ZFP30: variants seen among roughly 807,000 people sequenced by gnomAD.
ZFP30 encodes the protein zinc finger protein 30 homolog.
Under a neutral mutation model 12.3 loss-of-function variants are expected in ZFP30, and 16 were observed. The observed-to-expected ratio is 1.30, with a 90% CI of 0.88 to 1.98. The LOEUF is 1.98. Among genes scored for constraint, ZFP30 ranks in the 30% most tolerant of loss-of-function variants. The pLI is 0.00. For synonymous variants in ZFP30, 172 were observed against 201.0 expected (o/e 0.86, Z 1.22); for missense variants, 560 against 611.2 (o/e 0.92, Z 0.88).
chr19:37,640,252 TTTA>T (rs1403181897), intron 5 of ZFP30, among the ~76,000 whole-genome samples: 5 of 152,094 alleles, frequency 3.3e-5, no homozygotes, highest in African/African-American at 1.2e-4. Context: ...TCATAAGTAC[TTTA>T]ATCAAGACAG....
At chr19:37,653,190 G>A (rs187126965) in intron 2 of ZFP30, among the ~76,000 whole-genome samples, 1 of 151,714 alleles carries the variant, frequency 6.6e-6, no homozygotes, top group Admixed American at 6.6e-5. Flanking sequence ...GTGACAACAG[G>A]GAAATCAGTG....
chr19:37,643,047 C>T (rs867620312), intron 5 of ZFP30, among the ~76,000 whole-genome samples: 26 of 126,306 alleles, frequency 2.1e-4, no homozygotes, highest in South Asian at 1.3e-3. Flanking sequence ...AGCGAGACTC[C>T]GTCTCAAAAA....
In ZFP30 at chr19:37,647,862, T is replaced by C; in HGVS notation, c.-40A>G. Reference sequence around the variant, plus strand: ...TAGAACTGGTCAATTTTCCTCAAGGTTCATGTACTTCAGAAGCAGGGTCCA... The same window carrying C: ...TAGAACTGGTCAATTTTCCTCAAGGCTCATGTACTTCAGAAGCAGGGTCCA... On this transcript the variant is annotated 5_prime_UTR_variant, in exon 3 of 6. Coordinates refer to ENST00000684514, the MANE Select transcript of ZFP30 (RefSeq NM_001320669.3). The C allele has an allele frequency of 4.3e-6, 7 of 1,613,192 alleles. 1 individual carries two copies. The highest frequency in any genetic ancestry group is 5.1e-6 in the Non-Finnish European group (6 of 1,179,160).
At chr19:37,643,138 A>T (rs901359065) in intron 5 of ZFP30, 127 bp downstream of exon 5, 1 of 642,752 alleles carries the variant, frequency 1.6e-6, no homozygotes, top group African/African-American at 1.9e-5. Flanking sequence ...CATGCTGAGA[A>T]GATCTAAATT....
At chr19:37,636,386 A>T in intron 5 of ZFP30, 81 bp from the exon 6 acceptor site, 1 of 1,200,064 alleles carries the variant, frequency 8.3e-7, no homozygotes, top group Non-Finnish European at 1.1e-6. Context: ...GAAATCGGTG[A>T]CCAAAAAAAA....
At chr19:37,646,108 C>T (rs1193411853) in intron 3 of ZFP30, among the ~76,000 whole-genome samples, 1 of 152,140 alleles carries the variant, frequency 6.6e-6, no homozygotes, top group African/African-American at 2.4e-5. Context: ...AACCACTCCG[C>T]CCCACCTGGG....
At position 37,636,085 on chromosome 19, in the gene ZFP30, A is replaced by G; in HGVS notation, c.456T>C (p.His152=). ...LTSLPLYQKS[H]NREKPYECGE... ...CACATTCGTAGGGTTTCTCTCTGTT[A>G]TGACTTTTCTGATACAGAGGAAGAG... The change falls in exon 6 of 6, where the codon CAT becomes CAC. Residue 152 remains histidine, a synonymous_variant. Transcript: ENST00000684514. 6.2e-7 allele frequency: 1 copy of G among 1,614,186 alleles called. No homozygotes were observed. Among genetic ancestry groups the G allele is most frequent in the Non-Finnish European group, 8.5e-7 (1 of 1,180,032 alleles).
chr19:37,637,273 C>A (rs933685367), intron 5 of ZFP30, among the ~76,000 whole-genome samples: 4 of 148,782 alleles, frequency 2.7e-5, no homozygotes, highest in Admixed American at 6.7e-5. Context: ...GGCGCAATCT[C>A]GGCTTACTGC....
At position 37,635,333 on chromosome 19, in the gene ZFP30, A is replaced by T; in HGVS notation, c.1208T>A (p.Ile403Asn). The stretch of plus-strand genomic sequence containing the variant: ...TTCATAAGGTTTCTCTCCAATGTGA[A>T]TACCCTGATGTGAAATAAGTTCTGA... ...RYSELISHQG[I>N]HIGEKPYECK... is the part of the protein sequence containing the mutation. Residue 403 changes from isoleucine (I) to asparagine (N), a missense_variant, in exon 6 of 6, where the codon ATT becomes AAT. Physicochemically the swap from Ile to Asn is moderately radical, Grantham distance 149 (BLOSUM62 -3). Coordinates refer to ENST00000684514, the MANE Select transcript of ZFP30 (RefSeq NM_001320669.3). 1 of 1,614,004 alleles carries T rather than the reference A, an allele frequency of 6.2e-7. No individual in the cohort carries two copies. Among genetic ancestry groups the T allele is most frequent in the Non-Finnish European group, 8.5e-7 (1 of 1,179,952 alleles).
intron 2 of ZFP30, among the ~76,000 whole-genome samples, chr19:37,654,462 C>G (rs560395539): frequency 1.3e-5 from 2 of 152,264 alleles, no homozygotes; most frequent in South Asian, 4.1e-4. Context: ...TCATCAAGAT[C>G]CTTAGAAAAA....
intron 5 of ZFP30, among the ~76,000 whole-genome samples, chr19:37,640,907 C>G (rs913630828): frequency 6.6e-6 from 1 of 151,908 alleles, no homozygotes; most frequent in African/African-American, 2.4e-5. Context: ...CAAGACAATT[C>G]TAATTATATT....
At chr19:37,640,171 T>A (rs780358765) in intron 5 of ZFP30, among the ~76,000 whole-genome samples, 1 of 152,134 alleles carries the variant, frequency 6.6e-6, no homozygotes, top group African/African-American at 2.4e-5. Context: ...TGCCCTCAGA[T>A]TGCTTCACAA....
At chr19:37,655,786 C>G (rs1336975788), upstream of ZFP30, 1 of 151,966 alleles carries the variant, frequency 6.6e-6, no homozygotes, top group Non-Finnish European at 1.5e-5. Flanking sequence ...GCGGAGGCTG[C>G]GAGCCCCGCC....
At chr19:37,655,957 G>C (rs1015777821), upstream of ZFP30, 1 of 152,446 alleles carries the variant, frequency 6.6e-6, no homozygotes, top group African/African-American at 2.4e-5. Flanking sequence ...GTGGAGGTTG[G>C]CTACAGGATC....
At chr19:37,649,885 A>T (rs895601534) in intron 2 of ZFP30, among the ~76,000 whole-genome samples, 3 of 152,144 alleles carry the variant, frequency 2.0e-5, no homozygotes, top group Admixed American at 2.0e-4. Flanking sequence ...AATGAAGATA[A>T]AATTCATATT....
At chr19:37,648,476 AT>A (rs1215123174) in intron 2 of ZFP30, among the ~76,000 whole-genome samples, 4 of 150,066 alleles carry the variant, frequency 2.7e-5, no homozygotes, top group South Asian at 2.1e-4. Flanking sequence ...GGGATTTAGG[AT>A]TTTTTTTTTA....
At chr19:37,652,473 C>T (rs1323814665) in intron 2 of ZFP30, among the ~76,000 whole-genome samples, 1 of 152,026 alleles carries the variant, frequency 6.6e-6, no homozygotes, top group African/African-American at 2.4e-5. Context: ...GAGACTGAGG[C>T]AGGAGAATCA....
At chr19:37,644,144 T>A (rs968245110) in intron 4 of ZFP30, among the ~76,000 whole-genome samples, 1 of 152,122 alleles carries the variant, frequency 6.6e-6, no homozygotes, top group African/African-American at 2.4e-5. Flanking sequence ...AACAGAAAAG[T>A]CGAAGAAAAA....
intron 5 of ZFP30, among the ~76,000 whole-genome samples, chr19:37,639,900 C>T (rs2044401959): frequency 6.6e-6 from 1 of 152,066 alleles, no homozygotes; most frequent in South Asian, 2.1e-4. Flanking sequence ...GTATTTTGAA[C>T]ATTCTCAGTT....
Sources: allele counts gnomAD v4.1 joint callset (sites outside exome capture counted in the v4.1 genomes callset), GRCh38; gene constraint gnomAD v4.1.1; transcripts MANE v1.5; gene names NCBI Gene and HGNC (gene_info 2026-07-23, HGNC 2026-07-21).